RABEP1: variants seen among roughly 807,000 people sequenced by gnomAD.
RABEP1 encodes the protein rabaptin, RAB GTPase binding effector protein 1.
In RABEP1, 51 loss-of-function variants were observed where a neutral mutation model predicts 123.4. That is an observed-to-expected ratio of 0.41 (90% confidence interval 0.33 to 0.52). The LOEUF is 0.52. Among genes scored for constraint, RABEP1 ranks in the 20% least tolerant of loss-of-function variants. The pLI, the probability that RABEP1 is intolerant of heterozygous loss-of-function variation, is 0.16. For synonymous variants in RABEP1, 347 were observed against 355.2 expected (o/e 0.98, Z 0.26); for missense variants, 888 against 996.3 (o/e 0.89, Z 1.46).
At chr17:5,356,799 C>T (rs941523975) in intron 8 of RABEP1, among the ~76,000 whole-genome samples, 1 of 150,346 alleles carries the variant, frequency 6.7e-6, no homozygotes, top group Non-Finnish European at 1.5e-5. Context: ...TACAGGCATC[C>T]GCCATCGTGC....
intron 11 of RABEP1, among the ~76,000 whole-genome samples, chr17:5,366,019 G>T (rs1002281883): frequency 6.6e-6 from 1 of 152,294 alleles, no homozygotes; most frequent in East Asian, 1.9e-4. Context: ...TGCAGGATAT[G>T]TAACTAGGGG....
At chr17:5,363,859 T>G (rs1436670724) in intron 10 of RABEP1, among the ~76,000 whole-genome samples, 9 of 148,670 alleles carry the variant, frequency 6.1e-5, no homozygotes, top group Non-Finnish European at 4.5e-5. Context: ...CTTTTTCAAG[T>G]GCAGTGTTTA....
intron 3 of RABEP1, among the ~76,000 whole-genome samples, chr17:5,334,836 A>G (rs1906910659): frequency 6.6e-6 from 1 of 152,214 alleles, no homozygotes; most frequent in Non-Finnish European, 1.5e-5. Context: ...TGGGAGCCAT[A>G]GTATAGTGTC....
At position 5,383,254 on chromosome 17, in the gene RABEP1, T is replaced by C; in HGVS notation, c.*31T>C. ...TCATGGCAGGATTCTAGCCTGCACTTTGGGTTTTTAACTCATCTTTAGAGC... is the reference window on the plus strand; with the variant it reads ...TCATGGCAGGATTCTAGCCTGCACTCTGGGTTTTTAACTCATCTTTAGAGC... On this transcript the variant is annotated 3_prime_UTR_variant, in exon 18 of 18. Coordinates refer to ENST00000537505, the MANE Select transcript of RABEP1 (RefSeq NM_004703.6). 1 of 1,580,800 alleles carries C rather than the reference T, an allele frequency of 6.3e-7. No individual in the cohort carries two copies. The highest frequency in any genetic ancestry group is 8.7e-7 in the Non-Finnish European group (1 of 1,149,956).
chr17:5,319,327 C>CAAAAAAAAAAAAAA (rs200353804), intron 2 of RABEP1, among the ~76,000 whole-genome samples: 1 of 114,700 alleles, frequency 8.7e-6, no homozygotes, highest in Non-Finnish European at 1.7e-5. Context: ...GACTCTGTCT[C>CAAAAAAAAAAAAAA]AAAAAAAAAA....
intron 1 of RABEP1, among the ~76,000 whole-genome samples, chr17:5,307,108 C>T (rs2075186214): frequency 6.6e-6 from 1 of 152,132 alleles, no homozygotes. Context: ...CATTTGAGGT[C>T]AAGAGTTAGA....
chr17:5,293,582 T>A (rs1373088848), intron 1 of RABEP1, among the ~76,000 whole-genome samples: 1 of 152,134 alleles, frequency 6.6e-6, no homozygotes, highest in Non-Finnish European at 1.5e-5. Flanking sequence ...AATTTTTGTA[T>A]TTTTTGTACA....
At chr17:5,347,375 A>C (rs1327280378) in intron 6 of RABEP1, among the ~76,000 whole-genome samples, 4 of 152,140 alleles carry the variant, frequency 2.6e-5, no homozygotes, top group African/African-American at 9.7e-5. Context: ...ACACCACTGC[A>C]CTCTGTCCTG....
intron 12 of RABEP1, among the ~76,000 whole-genome samples, chr17:5,372,446 C>G (rs942969008): frequency 7.2e-5 from 11 of 152,006 alleles, no homozygotes; most frequent in African/African-American, 2.7e-4. Flanking sequence ...GCGAGACTGT[C>G]TCAAAAGAAA....
chr17:5,353,052 G>A (rs1045048995), intron 7 of RABEP1, among the ~76,000 whole-genome samples: 3 of 152,108 alleles, frequency 2.0e-5, no homozygotes, highest in Non-Finnish European at 4.4e-5. Context: ...GTCATGTATG[G>A]CCCATCTGAG....
chr17:5,381,693 TTC>T lies in RABEP1; in HGVS notation c.2487+190_2487+191del, dbSNP rs1238997790. The stretch of plus-strand genomic sequence containing the variant: ...TGTGTTCTTCACACTTGGCCCATTT[TTC>T]TTTTTCTGTATGCCTTGCCAATTTT... On this transcript the variant is annotated intron_variant, in intron 17 of 17. Transcript: ENST00000537505. 1.1e-4 allele frequency: 43 copies of T among 390,756 alleles called. 1 individual carries two copies. The South Asian group carries it at 5.7e-3, about 52-fold the overall frequency. The allele number at this position is 390,756 out of a possible 1,614,324, so 24.2% of individuals were successfully genotyped here.
At chr17:5,300,591 T>C (rs1403321524) in intron 1 of RABEP1, among the ~76,000 whole-genome samples, 1 of 152,166 alleles carries the variant, frequency 6.6e-6, no homozygotes, top group African/African-American at 2.4e-5. Context: ...CCCCGTATGA[T>C]GTTATGAAAT....
chr17:5,299,731 C>CTTTTTTTTTTTTTTTTTTTTTTTTT (rs1171650180), intron 1 of RABEP1, among the ~76,000 whole-genome samples: 12 of 96,864 alleles, frequency 1.2e-4, no homozygotes, highest in African/African-American at 3.2e-4. Flanking sequence ...TTTTCTTTTT[C>CTTTTTTTTTTTTTTTTTTTTTTTTT]TTTTTTTTTT....
intron 1 of RABEP1, chr17:5,283,841 A>G (rs1324720925): frequency 6.6e-6 from 1 of 152,208 alleles, no homozygotes; most frequent in Admixed American, 6.6e-5. Flanking sequence ...TCCAGTAAGC[A>G]TTTAGACTTT....
intron 1 of RABEP1, among the ~76,000 whole-genome samples, chr17:5,286,194 T>TA (rs2074975784): frequency 3.3e-5 from 5 of 152,248 alleles, no homozygotes; most frequent in African/African-American, 9.6e-5. Flanking sequence ...GTCTTTTGAT[T>TA]AAAAAAAGTG....
rs887925410 is a variant in RABEP1, at chr17:5,286,589, A to C, written c.34+4069A>C. 1.1e-4 allele frequency among the ~76,000 whole-genome samples: 16 copies of C among 152,234 alleles called. 1 individual carries two copies. ...GGATCTAGGAAATACAGTGATGAAC[A>C]AAACCAGACCCAGTCCCTTTCCCAG... is the stretch of plus-strand genomic sequence containing the variant. On this transcript the variant is annotated intron_variant, in intron 1 of 17. Coordinates refer to ENST00000537505, the MANE Select transcript of RABEP1 (RefSeq NM_004703.6).
chr17:5,358,019 C>T (rs995489357), intron 8 of RABEP1, among the ~76,000 whole-genome samples: 2 of 151,970 alleles, frequency 1.3e-5, no homozygotes, highest in Non-Finnish European at 1.5e-5. Flanking sequence ...AATACTGGCT[C>T]GGTGTGTGAC....
In RABEP1 at chr17:5,330,027, C is replaced by T. The variant is rs75393048; in HGVS notation, c.164-1922C>T. The stretch of plus-strand genomic sequence containing the variant: ...GTACCAGAGGTAATTAGCATGAGGA[C>T]CTGTTAAGTGTATAAACTTGAGCCT... On this transcript the variant is annotated intron_variant, in intron 2 of 17. Coordinates refer to ENST00000537505, the MANE Select transcript of RABEP1 (RefSeq NM_004703.6). Among the ~76,000 whole-genome samples, 957 of 152,150 alleles carry T rather than the reference C, an allele frequency of 6.3e-3. 9 individuals are homozygous for T. The highest frequency in any genetic ancestry group is 0.022 in the African/African-American group (903 of 41,514).
At position 5,282,405 on chromosome 17, in the gene RABEP1, C is replaced by A. The variant is rs1473163162; in HGVS notation, c.-82C>A. ...GGCGGCGGCGGCGGCTCGGTTGACG[C>A]CTCCTCCGCCAGCTGAGCCCGCGGG... On this transcript the variant is annotated 5_prime_UTR_variant, in exon 1 of 18. Transcript: ENST00000537505. The A allele has an allele frequency of 8.8e-7, 1 of 1,133,756 alleles. No homozygotes were observed. The highest frequency in any genetic ancestry group is 1.2e-6 in the Non-Finnish European group (1 of 857,604). 70.2% of individuals were successfully genotyped at this position (1,133,756 alleles called of 1,614,324 possible).
Sources: allele counts gnomAD v4.1 joint callset (sites outside exome capture counted in the v4.1 genomes callset), GRCh38; gene constraint gnomAD v4.1.1; transcripts MANE v1.5; gene names NCBI Gene and HGNC (gene_info 2026-07-23, HGNC 2026-07-21).